Variants in UBTD1 observed in about 807,000 individuals in gnomAD.
The protein encoded by UBTD1 is ubiquitin domain containing 1, also known as ubiquitin domain-containing protein 1.
Under a neutral mutation model 21.7 loss-of-function variants are expected in UBTD1, and 19 were observed. That is an observed-to-expected ratio of 0.87 (90% CI 0.61 to 1.28). The LOEUF (loss-of-function observed/expected upper bound fraction) is 1.28. Ranked by LOEUF, UBTD1 falls within the 50% of genes most tolerant of loss-of-function variation. The probability of loss-of-function intolerance (pLI) is 0.00; values close to 1 mark genes in which losing one functional copy is unlikely to be tolerated. For missense variants in UBTD1, 282 were observed against 315.1 expected, an observed-to-expected ratio of 0.89 and a Z score of 0.80; for synonymous variants, 116 against 135.1, an observed-to-expected ratio of 0.86 and a Z score of 0.98.
In UBTD1 at chr10:97,567,948, G is replaced by A. The variant is rs570076313; in HGVS notation, c.105G>A (p.Lys35=). The change falls in exon 2 of 3, where the codon AAG becomes AAA. Residue 35 remains lysine, a synonymous_variant. Coordinates refer to ENST00000370664, the MANE Select transcript of UBTD1 (RefSeq NM_024954.5). ...AGCCCCTGAAGAAAGAGCGGCTTAAGTGGAAGAGCGACTACCCCATGACTG... is the reference window on the plus strand; with the variant it reads ...AGCCCCTGAAGAAAGAGCGGCTTAAATGGAAGAGCGACTACCCCATGACTG... ...RNEPLKKERL[K]WKSDYPMTDG... 2 of 1,614,212 alleles carry A rather than the reference G, an allele frequency of 1.2e-6. No individual in the cohort carries two copies. The highest frequency in any genetic ancestry group is 1.1e-5 in the South Asian group (1 of 91,086).
At chr10:97,505,122 G>A (rs564717232) in intron 1 of UBTD1, among the ~76,000 whole-genome samples, 2 of 152,308 alleles carry the variant, frequency 1.3e-5, no homozygotes, top group South Asian at 2.1e-4. Context: ...TACAAGGGAG[G>A]AAGTTAGGTG....
chr10:97,512,785 T>C (rs544409718), intron 1 of UBTD1, among the ~76,000 whole-genome samples: 22 of 152,338 alleles, frequency 1.4e-4, no homozygotes, highest in Non-Finnish European at 2.5e-4. Flanking sequence ...TTCAGCCTGC[T>C]GCTTTTGACA....
chr10:97,554,198 G>A (rs545917958), intron 1 of UBTD1, among the ~76,000 whole-genome samples: 1 of 151,190 alleles, frequency 6.6e-6, no homozygotes, highest in African/African-American at 2.4e-5. Flanking sequence ...AACCTCACTT[G>A]TTGGGCATAG....
intron 1 of UBTD1, among the ~76,000 whole-genome samples, chr10:97,525,270 C>T (rs1473665911): frequency 6.6e-6 from 1 of 152,132 alleles, no homozygotes; most frequent in Non-Finnish European, 1.5e-5. Context: ...CTGTAAATGC[C>T]AAAACAGAGA....
intron 1 of UBTD1, among the ~76,000 whole-genome samples, chr10:97,544,460 T>C (rs1191464266): frequency 6.6e-6 from 1 of 152,102 alleles, no homozygotes. Flanking sequence ...TTAATAATAA[T>C]GACAAAAGCG....
At chr10:97,530,092 G>T (rs1413469644) in intron 1 of UBTD1, among the ~76,000 whole-genome samples, 2 of 152,192 alleles carry the variant, frequency 1.3e-5, no homozygotes, top group Non-Finnish European at 2.9e-5. Flanking sequence ...ACAATCTCCT[G>T]ACATGTCTGT....
rs1345545802 is a variant in UBTD1 at position 97,556,086 on chromosome 10, G to A, written c.71-11828G>A. Reference sequence around the variant, plus strand: ...CATTTTGGTGAACTAAGGTAGTGACGAAGTTTTTTATCATTTGGAGAAATA... The same window carrying A: ...CATTTTGGTGAACTAAGGTAGTGACAAAGTTTTTTATCATTTGGAGAAATA... On this transcript the variant is annotated intron_variant, in intron 1 of 2. Transcript: ENST00000370664. Among the ~76,000 whole-genome samples the A allele has an allele frequency of 3.3e-5, 5 of 152,144 alleles. No homozygotes were observed. The South Asian group carries it at 8.3e-4, about 25-fold the overall frequency.
At chr10:97,557,957 G>T (rs960079917) in intron 1 of UBTD1, among the ~76,000 whole-genome samples, 1 of 152,176 alleles carries the variant, frequency 6.6e-6, no homozygotes, top group East Asian at 1.9e-4. Flanking sequence ...GTCTGAGAAA[G>T]GTCAGTTGAA....
chr10:97,507,774 CAAAAAAAAA>C (rs61128714), intron 1 of UBTD1, among the ~76,000 whole-genome samples: 10 of 59,544 alleles, frequency 1.7e-4, no homozygotes, highest in African/African-American at 3.3e-4. Flanking sequence ...GACTCCGTCT[CAAAAAAAAA>C]AAAAAAAAAA....
chr10:97,514,924 C>T (rs2040438146), intron 1 of UBTD1, among the ~76,000 whole-genome samples: 1 of 152,144 alleles, frequency 6.6e-6, no homozygotes, highest in South Asian at 2.1e-4. Context: ...ACTGAGCAAG[C>T]TGATCCTCTG....
chr10:97,551,785 T>C (rs960198016), intron 1 of UBTD1, among the ~76,000 whole-genome samples: 3 of 152,226 alleles, frequency 2.0e-5, no homozygotes, highest in Non-Finnish European at 1.5e-5. Context: ...TTTATGGTAT[T>C]ATTCTTATTA....
At chr10:97,517,349 A>T (rs1034418522) in intron 1 of UBTD1, among the ~76,000 whole-genome samples, 1 of 151,956 alleles carries the variant, frequency 6.6e-6, no homozygotes, top group Non-Finnish European at 1.5e-5. Flanking sequence ...AGATCTGGGG[A>T]TGTTTACAGC....
chr10:97,507,474 TAAA>T (rs918575919), intron 1 of UBTD1, among the ~76,000 whole-genome samples: 1 of 139,156 alleles, frequency 7.2e-6, no homozygotes. Flanking sequence ...TCGTCTCTAT[TAAA>T]AAAAAAAAAA....
chr10:97,525,636 T>G (rs1375606101), intron 1 of UBTD1, among the ~76,000 whole-genome samples: 2 of 152,130 alleles, frequency 1.3e-5, no homozygotes, highest in Non-Finnish European at 2.9e-5. Flanking sequence ...TGCACCCATC[T>G]CCATATTAGA....
chr10:97,527,102 G>A (rs1016940833), intron 1 of UBTD1, among the ~76,000 whole-genome samples: 22 of 145,852 alleles, frequency 1.5e-4, no homozygotes, highest in Admixed American at 2.7e-4. Flanking sequence ...ACCAGGAGGC[G>A]GAGGTTGGAG....
Position 97,570,737 on chromosome 10 carries a change from A to C in UBTD1, c.*214A>C. ...CACACACGGGCCTTGCAACCTTGTC[A>C]GAGAAAAGGCGAACAGGGCCCTCAC... On this transcript the variant is annotated 3_prime_UTR_variant, in exon 3 of 3. Transcript: ENST00000370664. The surrounding 1 kb of genome is among the most constrained non-coding windows in gnomAD (Gnocchi z 6.6). 1 of 592,498 alleles carries C rather than the reference A, an allele frequency of 1.7e-6. No individual in the cohort carries two copies. The highest frequency in any genetic ancestry group is 2.7e-5 in the South Asian group (1 of 37,234). 36.7% of individuals were successfully genotyped at this position (592,498 alleles called of 1,614,324 possible).
chr10:97,552,125 G>A (rs2040640475), intron 1 of UBTD1, among the ~76,000 whole-genome samples: 1 of 151,936 alleles, frequency 6.6e-6, no homozygotes, highest in African/African-American at 2.4e-5. Context: ...ACTTTGGGAG[G>A]CAGAAGAAGG....
At chr10:97,552,032 C>G (rs1260888562) in intron 1 of UBTD1, among the ~76,000 whole-genome samples, 3 of 152,024 alleles carry the variant, frequency 2.0e-5, no homozygotes, top group Non-Finnish European at 2.9e-5. Context: ...CCGCCTCAGT[C>G]TCCCAAAGTG....
intron 1 of UBTD1, among the ~76,000 whole-genome samples, chr10:97,551,301 C>T (rs4635019): frequency 0.27 from 41,085 of 151,486 alleles, 5,880 homozygotes; most frequent in East Asian, 0.49. Flanking sequence ...TTCGGGAGGC[C>T]GAGACAGGAG....
Sources: gnomAD v4.1 joint callset for allele counts (sites outside exome capture counted in the v4.1 genomes callset) on GRCh38, gnomAD v4.1.1 for gene constraint, Gnocchi (gnomAD v3.1) non-coding constraint, MANE v1.5 for transcripts, NCBI Gene and HGNC (gene_info 2026-07-23, HGNC 2026-07-21) for gene names.